Variants in TYMS observed in about 807,000 individuals in gnomAD.
The protein encoded by TYMS is thymidylate synthetase, also known as thymidylate synthase.
Under a neutral mutation model 39.3 loss-of-function variants are expected in TYMS, and 21 were observed. The observed-to-expected ratio is 0.54, with a 90% confidence interval of 0.38 to 0.77. The LOEUF (loss-of-function observed/expected upper bound fraction) is 0.77. Among genes scored for constraint, TYMS ranks in the 30% least tolerant of loss-of-function variants. The pLI is 0.00. For synonymous variants in TYMS, 171 were observed against 162.2 expected (o/e 1.05, Z -0.41); for missense variants, 273 against 406.7 (o/e 0.67, Z 2.83).
Position 657,829 on chromosome 18 carries a change from G to C in TYMS, c.87G>C (p.Gly29=). ...ACGCCGAGCCGCGTCCGCCGCACGGGGAGCTGCAGTACCTGGGGCAGATCC... is the reference window on the plus strand; with the variant it reads ...ACGCCGAGCCGCGTCCGCCGCACGGCGAGCTGCAGTACCTGGGGCAGATCC... ...ERDAEPRPPH[G]ELQYLGQIQH... is the part of the protein sequence containing the mutation. Residue 29 remains glycine, a synonymous_variant, in exon 1 of 7, where the codon GGG becomes GGC. Transcript: ENST00000323274. The C allele has an allele frequency of 1.4e-6, 2 of 1,474,402 alleles. No individual in the cohort carries two copies. The highest frequency in any genetic ancestry group is 1.8e-6 in the Non-Finnish European group (2 of 1,122,454). The allele number at this position is 1,474,402 out of a possible 1,614,324, so 91.3% of individuals were successfully genotyped here.
chr18:669,398 A>C (rs2074938312), intron 4 of TYMS: 1 of 390,056 alleles, frequency 2.6e-6, no homozygotes, highest in East Asian at 4.0e-5. Flanking sequence ...TTTGAGACAG[A>C]GTTTTGCTCT....
intron 6 of TYMS, chr18:672,447 C>T (rs970919656): frequency 6.4e-6 from 1 of 155,208 alleles, no homozygotes; most frequent in Admixed American, 6.3e-5. Flanking sequence ...TGGCTTTCAT[C>T]CCTTTCTGTT....
chr18:671,690 GA>G, intron 6 of TYMS: 1 of 523,448 alleles, frequency 1.9e-6, no homozygotes, highest in Non-Finnish European at 3.3e-6. Flanking sequence ...ACCAGAGAGG[GA>G]AGAGCCACAT....
intron 3 of TYMS, among the ~76,000 whole-genome samples, chr18:666,139 T>G (rs998102560): frequency 9.9e-6 from 1 of 100,878 alleles, no homozygotes; most frequent in Non-Finnish European, 1.9e-5. Context: ...ATTATTAATG[T>G]GTGGGAGTCT....
In TYMS at chr18:673,059, G is replaced by A. The variant is rs551827317; in HGVS notation, c.*62G>A. On this transcript the variant is annotated 3_prime_UTR_variant, in exon 7 of 7. Coordinates refer to ENST00000323274, the MANE Select transcript of TYMS (RefSeq NM_001071.4). ...TTTAGGGGTTGGGCTGGATGCCGAGGTAAAAGTTCTTTTTGCTCTAAAAGA... is the reference window on the plus strand; with the variant it reads ...TTTAGGGGTTGGGCTGGATGCCGAGATAAAAGTTCTTTTTGCTCTAAAAGA... The A allele has an allele frequency of 1.4e-6, 2 of 1,431,700 alleles. No individual in the cohort carries two copies. The highest frequency in any genetic ancestry group is 1.9e-6 in the Non-Finnish European group (2 of 1,075,172). The allele number at this position is 1,431,700 out of a possible 1,614,324, so 88.7% of individuals were successfully genotyped here.
At position 660,490 on chromosome 18, in the gene TYMS, G is replaced by C. The variant is rs2074746169; in HGVS notation, c.279+776G>C. Among the ~76,000 whole-genome samples, 3 of 152,210 alleles carry C rather than the reference G, an allele frequency of 2.0e-5. No homozygotes were observed. Among genetic ancestry groups the C allele is most frequent in the Admixed American group, 2.0e-4 (3 of 15,276 alleles). Reference sequence around the variant, plus strand: ...GTGCTGTAAGCTTTATGAGGGCAGAGGATTTGTTTCTCGTGTTCACTGTTG... The same window carrying C: ...GTGCTGTAAGCTTTATGAGGGCAGACGATTTGTTTCTCGTGTTCACTGTTG... On this transcript the variant is annotated intron_variant, in intron 2 of 6. Coordinates refer to ENST00000323274, the MANE Select transcript of TYMS (RefSeq NM_001071.4). This position sits in a 1 kb window ranked among gnomAD's most constrained non-coding sequence, Gnocchi z 4.6.
chr18:670,936 A>G lies in TYMS; in HGVS notation c.732+69A>G. The G allele has an allele frequency of 1.9e-6, 3 of 1,541,636 alleles. No homozygotes were observed. The South Asian group carries it at 3.6e-5, about 18-fold the overall frequency. On this transcript the variant is annotated intron_variant, in intron 5 of 6. Transcript: ENST00000323274. ...AGCTCTTCAGTTCTTTAATATGGGAAAACAAATTGCAGAGTTTAGTCTCTG... is the reference window on the plus strand; with the variant it reads ...AGCTCTTCAGTTCTTTAATATGGGAGAACAAATTGCAGAGTTTAGTCTCTG...
In TYMS at chr18:659,560, G is replaced by A. The variant is rs1598462694; in HGVS notation, c.206-81G>A. 4 of 1,216,218 alleles carry A rather than the reference G, an allele frequency of 3.3e-6. No homozygotes were observed. The East Asian group carries it at 7.0e-5, about 21-fold the overall frequency. The allele number at this position is 1,216,218 out of a possible 1,614,324, so 75.3% of individuals were successfully genotyped here. A position where few individuals can be genotyped will look rare whatever the true frequency, so the allele number is the denominator to read the frequency against. On this transcript the variant is annotated intron_variant, in intron 1 of 6. Coordinates refer to ENST00000323274, the MANE Select transcript of TYMS (RefSeq NM_001071.4). ...GGATGCTCCAGGGCCTCACGTCCCA[G>A]GGCAGTTTTCTTCCCTGAAGAAAGT... is the stretch of plus-strand genomic sequence containing the variant.
intron 6 of TYMS, chr18:671,668 C>T (rs937720678): frequency 1.0e-5 from 6 of 572,730 alleles, no homozygotes; most frequent in Non-Finnish European, 1.5e-5. Context: ...CTGTGAGGTA[C>T]TAAGCACCAG....
In TYMS at chr18:657,757, C is replaced by G. The variant is rs901311429; in HGVS notation, c.15C>G (p.Gly5=). The part of the protein sequence containing the change: MPVA[G]SELPRRPLPP... ...CCCGCCGCGCCATGCCTGTGGCCGG[C>G]TCGGAGCTGCCGCGCCGGCCCTTGC... is the stretch of plus-strand genomic sequence containing the variant. The change falls in exon 1 of 7, where the codon GGC becomes GGG. Residue 5 remains glycine, a synonymous_variant. Transcript: ENST00000323274. 2 of 1,421,324 alleles carry G rather than the reference C, an allele frequency of 1.4e-6. No homozygotes were observed. The highest frequency in any genetic ancestry group is 1.8e-6 in the Non-Finnish European group (2 of 1,097,124). The allele number at this position is 1,421,324 out of a possible 1,614,324, so 88.0% of individuals were successfully genotyped here.
Position 657,966 on chromosome 18 carries a change from G to T in TYMS, c.205+19G>T. ...CTGAGAGGTGACGCCGCGGGCCCCT[G>T]CGGGACGGGTGGCGGGAAGGAGGGA... On this transcript the variant is annotated intron_variant, in intron 1 of 6. Transcript: ENST00000323274. The T allele has an allele frequency of 6.6e-7, 1 of 1,509,066 alleles. No homozygotes were observed. 93.5% of individuals were successfully genotyped at this position (1,509,066 alleles called of 1,614,324 possible).
rs2074762596 is a variant in TYMS, at chr18:662,129, C to G, written c.280-17C>G. On this transcript the variant is annotated splice_polypyrimidine_tract_variant and intron_variant, in intron 2 of 6. Coordinates refer to ENST00000323274, the MANE Select transcript of TYMS (RefSeq NM_001071.4). ...GATTTACCTGGATGCCTGCTCTGCT[C>G]TCCCCATCTCTTCCAGGGATCCACA... The G allele has an allele frequency of 2.5e-6, 4 of 1,596,254 alleles. No individual in the cohort carries two copies. The South Asian group carries it at 3.4e-5, about 14-fold the overall frequency.
At position 660,826 on chromosome 18, in the gene TYMS, A is replaced by T. The variant is rs2144261253; in HGVS notation, c.279+1112A>T. Among the ~76,000 whole-genome samples the T allele has an allele frequency of 6.6e-6, 1 of 152,312 alleles. No individual in the cohort carries two copies. The highest frequency in any genetic ancestry group is 2.4e-5 in the African/African-American group (1 of 41,586). On this transcript the variant is annotated intron_variant, in intron 2 of 6. Transcript: ENST00000323274. This position sits in a 1 kb window ranked among gnomAD's most constrained non-coding sequence, Gnocchi z 4.6. The stretch of plus-strand genomic sequence containing the variant: ...GGGCTCAGGTCTGGGCCATACTAGA[A>T]GCTGGGATCCCTTCTATAGAGCACT...
At chr18:666,981 A>C (rs2847610) in intron 3 of TYMS, among the ~76,000 whole-genome samples, 142 of 8,446 alleles carry the variant, frequency 0.017, 11 homozygotes, top group African/African-American at 0.077. Flanking sequence ...ATGGAGATGG[A>C]GATGGTGATG....
intron 3 of TYMS, among the ~76,000 whole-genome samples, chr18:665,874 G>A (rs2074807255): frequency 1.0e-5 from 1 of 98,212 alleles, no homozygotes; most frequent in Non-Finnish European, 1.9e-5. Context: ...ACTGTGGTCT[G>A]AGAGATAGTT....
intron 5 of TYMS, 29 bp from the exon 6 acceptor site, chr18:671,351 C>T (rs779270127): frequency 2.1e-6 from 3 of 1,429,304 alleles, no homozygotes; most frequent in Non-Finnish European, 3.0e-6. Context: ...AACTAACATA[C>T]TGTTCTGCTT....
intron 3 of TYMS, among the ~76,000 whole-genome samples, chr18:662,528 T>C (rs1176432042): frequency 6.6e-6 from 1 of 150,984 alleles, no homozygotes; most frequent in Non-Finnish European, 1.5e-5. Flanking sequence ...TTTTTAATTA[T>C]TATACTTTAA....
chr18:659,265 C>T (rs2074730961), intron 1 of TYMS, among the ~76,000 whole-genome samples: 1 of 152,112 alleles, frequency 6.6e-6, no homozygotes, highest in African/African-American at 2.4e-5. Context: ...ACTTCTGATG[C>T]CTCCCTTTTT....
At chr18:671,589 TGGTGGGCA>T in intron 6 of TYMS, 138 bp downstream of exon 6, 17 of 702,324 alleles carry the variant, frequency 2.4e-5, no homozygotes, top group South Asian at 2.1e-4. Flanking sequence ...TAGGGAGAAG[TGGTGGGCA>T]GGTGGGCAGG....
Sources: gnomAD v4.1 joint callset for allele counts (sites outside exome capture counted in the v4.1 genomes callset) on GRCh38, gnomAD v4.1.1 for gene constraint, Gnocchi (gnomAD v3.1) non-coding constraint, MANE v1.5 for transcripts, NCBI Gene and HGNC (gene_info 2026-07-23, HGNC 2026-07-21) for gene names.